The following SERTAD2 variants were observed in gnomAD, a reference collection of about 807,000 sequenced individuals.
The protein encoded by SERTAD2 is SERTA domain-containing protein 2.
SERTAD2 carries 2 observed loss-of-function variants against 15.4 expected under a neutral mutation model. The ratio of observed to expected loss-of-function variants is 0.13; its 90% CI spans 0.05 to 0.41. SERTAD2 has a LOEUF of 0.41. Ranked by LOEUF, SERTAD2 falls within the 10% of genes least tolerant of loss-of-function variation. SERTAD2 has a pLI of 0.99. For synonymous variants in SERTAD2, 180 were observed against 178.0 expected, an observed-to-expected ratio of 1.01 and a Z score of -0.09; for missense variants, 333 against 409.7, an observed-to-expected ratio of 0.81 and a Z score of 1.62.
At chr2:64,646,733 T>C (rs536411556) in intron 1 of SERTAD2, 1 of 152,354 alleles carries the variant, frequency 6.6e-6, no homozygotes, top group African/African-American at 2.4e-5. Context: ...GGAAAGGTTG[T>C]TTCTCTGTAT....
chr2:64,646,250 CTTCCTT>C (rs1376331082), intron 1 of SERTAD2, among the ~76,000 whole-genome samples: 1 of 152,194 alleles, frequency 6.6e-6, no homozygotes, highest in Non-Finnish European at 1.5e-5. Context: ...GCTTTGTACT[CTTCCTT>C]TTACTTTTGA....
chr2:64,652,362 A>G (rs1234971903), intron 1 of SERTAD2, among the ~76,000 whole-genome samples: 1 of 152,102 alleles, frequency 6.6e-6, no homozygotes, highest in Non-Finnish European at 1.5e-5. Flanking sequence ...AGCAGCCCAG[A>G]CGCTCTCAGG....
Position 64,635,859 on chromosome 2 carries a change from T to C in SERTAD2, c.*68A>G. On this transcript the variant is annotated 3_prime_UTR_variant, in exon 2 of 2. Coordinates refer to ENST00000313349, the MANE Select transcript of SERTAD2 (RefSeq NM_014755.3). ...GGCAAGCAAGGGTGCATGCACAGTG[T>C]GGAGAACTGTCAGGGTTATGGGAAC... 8.2e-7 allele frequency: 1 copy of C among 1,221,816 alleles called. No individual in the cohort carries two copies. Among genetic ancestry groups the C allele is most frequent in the Non-Finnish European group, 1.2e-6 (1 of 847,062 alleles). The allele number at this position is 1,221,816 out of a possible 1,614,324, so 75.7% of individuals were successfully genotyped here.
intron 1 of SERTAD2, chr2:64,646,617 C>A (rs1416809828): frequency 6.6e-6 from 1 of 152,206 alleles, no homozygotes; most frequent in Non-Finnish European, 1.5e-5. Context: ...AAGATTGTTT[C>A]CAAATTCAGG....
Position 64,636,356 on chromosome 2 carries a change from G to A in SERTAD2, c.516C>T (p.Ala172=). Residue 172 remains alanine (A), a synonymous_variant, in exon 2 of 2, where the codon GCC becomes GCT. Coordinates refer to ENST00000313349, the MANE Select transcript of SERTAD2 (RefSeq NM_014755.3). ...LLPEKDSFSS[A]LDEIEELCPT... ...GACAGAGCTCCTCGATCTCGTCCAA[G>A]GCAGAGGAGAAACTGTCCTTTTCTG... 1 of 1,614,238 alleles carries A rather than the reference G, an allele frequency of 6.2e-7. No homozygotes were observed. Among genetic ancestry groups the A allele is most frequent in the Non-Finnish European group, 8.5e-7 (1 of 1,180,034 alleles).
intron 1 of SERTAD2, among the ~76,000 whole-genome samples, chr2:64,640,829 G>A (rs1189046561): frequency 6.6e-6 from 1 of 152,166 alleles, no homozygotes; most frequent in Non-Finnish European, 1.5e-5. Context: ...GGGCGGGGTT[G>A]GAGACTCCCA....
intron 1 of SERTAD2, among the ~76,000 whole-genome samples, chr2:64,649,937 G>A (rs1302204159): frequency 6.6e-6 from 1 of 152,236 alleles, no homozygotes; most frequent in Non-Finnish European, 1.5e-5. Flanking sequence ...GCCAGACAGT[G>A]TGCAAGTGTA....
chr2:64,643,809 T>G (rs975551853), intron 1 of SERTAD2, among the ~76,000 whole-genome samples: 2 of 152,088 alleles, frequency 1.3e-5, no homozygotes, highest in Non-Finnish European at 2.9e-5. Context: ...GAGTTTGCAG[T>G]GAGCCGAGAT....
At chr2:64,644,226 G>T (rs901424167) in intron 1 of SERTAD2, among the ~76,000 whole-genome samples, 13 of 152,208 alleles carry the variant, frequency 8.5e-5, no homozygotes, top group Admixed American at 5.9e-4. Flanking sequence ...GAAGAAAGGG[G>T]TGCCCCTGGT....
intron 1 of SERTAD2, among the ~76,000 whole-genome samples, chr2:64,641,451 T>C (rs996906071): frequency 1.3e-5 from 2 of 152,210 alleles, no homozygotes; most frequent in African/African-American, 4.8e-5. Flanking sequence ...TCTCTTCATA[T>C]CTGTTTCCCA....
At position 64,632,826 on chromosome 2, in the gene SERTAD2, C is replaced by T. The variant is rs1016429254; in HGVS notation, c.*3101G>A. On this transcript the variant is annotated 3_prime_UTR_variant, in exon 2 of 2. Transcript: ENST00000313349. ...ACATGTTACGATCCAGATGTTAGCG[C>T]TCCACAGTAAAATAAATATATTTAC... 1 of 152,518 alleles carries T rather than the reference C, an allele frequency of 6.6e-6. No homozygotes were observed. The highest frequency in any genetic ancestry group is 2.4e-5 in the African/African-American group (1 of 41,398). 9.4% of individuals were successfully genotyped at this position (152,518 alleles called of 1,614,324 possible).
At chr2:64,653,131 A>G (rs1004675952) in intron 1 of SERTAD2, among the ~76,000 whole-genome samples, 1 of 152,084 alleles carries the variant, frequency 6.6e-6, no homozygotes, top group Non-Finnish European at 1.5e-5. Context: ...CAACATTATT[A>G]AAAAAAACAC....
intron 1 of SERTAD2, among the ~76,000 whole-genome samples, chr2:64,639,877 T>G (rs1431650427): frequency 6.6e-6 from 1 of 152,160 alleles, no homozygotes; most frequent in African/African-American, 2.4e-5. Context: ...ATCCTAATGA[T>G]TTAGAGAAAG....
intron 1 of SERTAD2, among the ~76,000 whole-genome samples, chr2:64,637,496 C>G (rs1674685840): frequency 6.6e-6 from 1 of 152,194 alleles, no homozygotes; most frequent in African/African-American, 2.4e-5. Flanking sequence ...TAAATGACCA[C>G]AGTGACTGAG....
chr2:64,643,953 T>C (rs555867132), intron 1 of SERTAD2, among the ~76,000 whole-genome samples: 5 of 152,302 alleles, frequency 3.3e-5, no homozygotes, highest in Admixed American at 3.3e-4. Flanking sequence ...GCTGCTGGTG[T>C]GACCACTGGT....
chr2:64,650,522 G>A (rs895464221), intron 1 of SERTAD2, among the ~76,000 whole-genome samples: 4 of 152,110 alleles, frequency 2.6e-5, no homozygotes, highest in Non-Finnish European at 5.9e-5. Flanking sequence ...GACGCTCCAG[G>A]GGACAGTTCT....
rs1674673773 is a variant in SERTAD2, at chr2:64,636,868, A to T, written c.4T>A (p.Leu2Met). 1.9e-6 allele frequency: 3 copies of T among 1,607,602 alleles called. No homozygotes were observed. The South Asian group carries it at 3.3e-5, about 18-fold the overall frequency. ...AACTTCCGTTTTCCTCCTTTACCCA[A>T]CATATATCTGCAGAGGGGAGAGAGA... M[L>M]GKGGKRKFDE... The change falls in exon 2 of 2, where the codon TTG becomes ATG. Residue 2 changes from leucine (L) to methionine (M), a missense_variant. Physicochemically the swap from Leu to Met is conservative, Grantham distance 15. Coordinates refer to ENST00000313349, the MANE Select transcript of SERTAD2 (RefSeq NM_014755.3).
chr2:64,632,381 C>A lies in SERTAD2; in HGVS notation c.*3546G>T, dbSNP rs1021937737. 6.6e-6 allele frequency: 1 copy of A among 152,166 alleles called. No homozygotes were observed. Among genetic ancestry groups the A allele is most frequent in the African/African-American group, 2.4e-5 (1 of 41,300 alleles). The allele number at this position is 152,166 out of a possible 1,614,324, so 9.4% of individuals were successfully genotyped here. On this transcript the variant is annotated 3_prime_UTR_variant, in exon 2 of 2. Coordinates refer to ENST00000313349, the MANE Select transcript of SERTAD2 (RefSeq NM_014755.3). ...AAGTTGATACTTTGGCTCTTTGGAGCTTATTTCATTAAGAAATTTTCCTTG... is the reference window on the plus strand; with the variant it reads ...AAGTTGATACTTTGGCTCTTTGGAGATTATTTCATTAAGAAATTTTCCTTG...
chr2:64,648,636 C>A (rs1248056800), intron 1 of SERTAD2, among the ~76,000 whole-genome samples: 1 of 152,012 alleles, frequency 6.6e-6, no homozygotes, highest in Non-Finnish European at 1.5e-5. Flanking sequence ...CAATGGTCTT[C>A]ATGGAAAGCC....
Sources: allele counts gnomAD v4.1 joint callset (sites outside exome capture counted in the v4.1 genomes callset), GRCh38; gene constraint gnomAD v4.1.1; transcripts MANE v1.5; gene names NCBI Gene and HGNC (gene_info 2026-07-23, HGNC 2026-07-21).